Variants in CDH18 observed in about 807,000 individuals in gnomAD.
CDH18 encodes cadherin 18.
Under a neutral mutation model 67.9 loss-of-function variants are expected in CDH18, and 31 were observed. The observed-to-expected ratio is 0.46, with a 90% CI of 0.34 to 0.62. CDH18 has a LOEUF of 0.62. CDH18 is among the 20% of genes least tolerant of loss of function. The pLI is 0.01. For missense variants in CDH18, 890 were observed against 975.5 expected, an observed-to-expected ratio of 0.91 and a Z score of 1.17; for synonymous variants, 362 against 347.2, an observed-to-expected ratio of 1.04 and a Z score of -0.48.
chr5:19,519,195 A>G (rs563380798), intron 10 of CDH18, among the ~76,000 whole-genome samples: 2 of 152,258 alleles, frequency 1.3e-5, no homozygotes, highest in East Asian at 1.9e-4. Flanking sequence ...TTATGTCTAG[A>G]GTTTTTTATT....
At chr5:19,604,147 C>T (rs1419249500) in intron 6 of CDH18, among the ~76,000 whole-genome samples, 2 of 151,982 alleles carry the variant, frequency 1.3e-5, no homozygotes. Flanking sequence ...AGGCTTGTCC[C>T]TTTTAATATA....
chr5:19,693,912 A>G (rs1442066564), intron 5 of CDH18, among the ~76,000 whole-genome samples: 1 of 151,480 alleles, frequency 6.6e-6, no homozygotes, highest in South Asian at 2.1e-4. Context: ...AAAAAAAAAA[A>G]AGATTATGAC....
intron 5 of CDH18, among the ~76,000 whole-genome samples, chr5:19,613,753 A>G (rs917783451): frequency 1.3e-5 from 2 of 152,170 alleles, no homozygotes; most frequent in African/African-American, 4.8e-5. Flanking sequence ...TACTCAGGGT[A>G]TATTAACTAT....
intron 1 of CDH18, among the ~76,000 whole-genome samples, chr5:20,437,773 A>G (rs1749282976): frequency 6.6e-6 from 1 of 151,370 alleles, no homozygotes; most frequent in Admixed American, 6.6e-5. Context: ...CCATGAAAAA[A>G]TTAGTAGAAT....
At chr5:20,016,125 T>C (rs931880256) in intron 2 of CDH18, among the ~76,000 whole-genome samples, 8 of 152,080 alleles carry the variant, frequency 5.3e-5, no homozygotes, top group Admixed American at 2.6e-4. Context: ...TAGAATACTA[T>C]GCAGCCATAA....
In CDH18 at chr5:19,583,513, G is replaced by C. The variant is rs374272900; in HGVS notation, c.999+7544C>G. ...ATATACACACGGTATTTCATTCTTA[G>C]TTTGCTTCCAGTTAAATCAAATAAC... On this transcript the variant is annotated intron_variant, in intron 7 of 12. Coordinates refer to ENST00000382275, the MANE Select transcript of CDH18 (RefSeq NM_004934.5). Among the ~76,000 whole-genome samples, 16 of 152,230 alleles carry C rather than the reference G, an allele frequency of 1.1e-4. No homozygotes were observed. The East Asian group carries it at 2.1e-3, about 20-fold the overall frequency.
intron 2 of CDH18, among the ~76,000 whole-genome samples, chr5:19,900,923 G>C (rs1789879006): frequency 6.6e-6 from 1 of 152,186 alleles, no homozygotes; most frequent in South Asian, 2.1e-4. Flanking sequence ...AATATCATGT[G>C]TCTAAGTGGA....
intron 2 of CDH18, among the ~76,000 whole-genome samples, chr5:20,195,073 A>T (rs1454328756): frequency 6.6e-6 from 1 of 152,110 alleles, no homozygotes; most frequent in Non-Finnish European, 1.5e-5. Flanking sequence ...CAAAGCTAAA[A>T]GAAAAATCTA....
intron 2 of CDH18, among the ~76,000 whole-genome samples, chr5:19,935,815 T>TCTCTCTCTCTCTCTCA (rs1414919299): frequency 1.3e-3 from 194 of 150,256 alleles, no homozygotes; most frequent in African/African-American, 4.5e-3. Flanking sequence ...TCTCTCTCTC[T>TCTCTCTCTCTCTCTCA]CTCTCTCTCT....
At chr5:20,097,052 T>C (rs1746050656) in intron 2 of CDH18, among the ~76,000 whole-genome samples, 1 of 152,198 alleles carries the variant, frequency 6.6e-6, no homozygotes. Context: ...TATTTATATA[T>C]GTCTACCATT....
At chr5:19,825,561 G>A (rs1402319541) in intron 3 of CDH18, among the ~76,000 whole-genome samples, 1 of 152,030 alleles carries the variant, frequency 6.6e-6, no homozygotes, top group African/African-American at 2.4e-5. Context: ...TGAGGGAGCT[G>A]CATAGACCAG....
intron 2 of CDH18, among the ~76,000 whole-genome samples, chr5:20,201,829 A>G (rs1348077521): frequency 1.3e-5 from 2 of 152,190 alleles, no homozygotes; most frequent in Non-Finnish European, 2.9e-5. Context: ...AGAAAATAAG[A>G]TAATCAAGGA....
intron 2 of CDH18, among the ~76,000 whole-genome samples, chr5:19,874,938 A>T (rs186744359): frequency 6.6e-6 from 1 of 152,304 alleles, no homozygotes; most frequent in African/African-American, 2.4e-5. Flanking sequence ...CTTAAAGGAC[A>T]GCACTAGACC....
chr5:20,185,376 T>C (rs888631661), intron 2 of CDH18, among the ~76,000 whole-genome samples: 1 of 152,000 alleles, frequency 6.6e-6, no homozygotes, highest in African/African-American at 2.4e-5. Flanking sequence ...CTCACAAAAA[T>C]TACTTTGGGA....
At chr5:19,574,108 C>G (rs1741903236) in intron 7 of CDH18, among the ~76,000 whole-genome samples, 1 of 152,146 alleles carries the variant, frequency 6.6e-6, no homozygotes, top group South Asian at 2.1e-4. Flanking sequence ...GGGATTTGGG[C>G]CACCTCCCGT....
At chr5:19,765,061 C>A (rs1397573714) in intron 3 of CDH18, among the ~76,000 whole-genome samples, 1 of 152,122 alleles carries the variant, frequency 6.6e-6, no homozygotes, top group Non-Finnish European at 1.5e-5. Flanking sequence ...TCATGTCTCC[C>A]ACATAAGCCC....
chr5:19,847,675 T>C (rs1334035014), intron 2 of CDH18, among the ~76,000 whole-genome samples: 1 of 152,118 alleles, frequency 6.6e-6, no homozygotes, highest in African/African-American at 2.4e-5. Context: ...GGTATCTGCG[T>C]ATTTGAAAGT....
chr5:19,648,613 T>A (rs1185681804), intron 5 of CDH18, among the ~76,000 whole-genome samples: 1 of 152,152 alleles, frequency 6.6e-6, no homozygotes, highest in East Asian at 1.9e-4. Flanking sequence ...TCTTAGCTAT[T>A]CTATTGATGT....
intron 6 of CDH18, among the ~76,000 whole-genome samples, chr5:19,608,285 C>T (rs982779751): frequency 6.6e-6 from 1 of 151,334 alleles, no homozygotes; most frequent in Non-Finnish European, 1.5e-5. Context: ...AAATATATGC[C>T]TACAACTATA....
Sources: allele counts gnomAD v4.1 joint callset (sites outside exome capture counted in the v4.1 genomes callset), GRCh38; gene constraint gnomAD v4.1.1; transcripts MANE v1.5; gene names NCBI Gene and HGNC (gene_info 2026-07-23, HGNC 2026-07-21).